LRPPRC: variants seen among roughly 807,000 people sequenced by gnomAD.
LRPPRC encodes leucine rich pentatricopeptide repeat containing.
LRPPRC carries 120 observed loss-of-function variants against 180.3 expected under a neutral mutation model. The observed-to-expected ratio is 0.67, with a 90% CI of 0.57 to 0.77. The LOEUF is 0.77. LRPPRC is among the 30% of genes least tolerant of loss of function. The pLI, the probability that LRPPRC is intolerant of heterozygous loss-of-function variation, is 0.00. For missense variants in LRPPRC, 2,012 were observed against 1,657.2 expected, an observed-to-expected ratio of 1.21 and a Z score of -3.72; for synonymous variants, 723 against 600.0, an observed-to-expected ratio of 1.21 and a Z score of -3.00.
intron 11 of LRPPRC, 76 bp from the exon 12 acceptor site, chr2:43,963,782 A>C (rs372068164): frequency 9.4e-6 from 8 of 849,672 alleles, no homozygotes; most frequent in Non-Finnish European, 1.4e-5. Context: ...GTTCAGTTCA[A>C]TTATTTTCTG....
At chr2:43,940,053 C>G (rs1489067647) in intron 23 of LRPPRC, among the ~76,000 whole-genome samples, 1 of 152,192 alleles carries the variant, frequency 6.6e-6, no homozygotes, top group Non-Finnish European at 1.5e-5. Flanking sequence ...TACCAATCAT[C>G]CTTCAAAAAG....
chr2:43,981,855 TTA>T (rs759199633), intron 2 of LRPPRC, among the ~76,000 whole-genome samples: 47 of 152,250 alleles, frequency 3.1e-4, no homozygotes, highest in Non-Finnish European at 3.5e-4. Flanking sequence ...ATTGCAGCCA[TTA>T]TGTTTAATGG....
chr2:43,929,243 T>C (rs1351427229), intron 25 of LRPPRC, among the ~76,000 whole-genome samples: 2 of 152,198 alleles, frequency 1.3e-5, no homozygotes, highest in Non-Finnish European at 2.9e-5. Context: ...TCACTAGTGA[T>C]ACTGTGTATG....
chr2:43,943,759 G>T lies in LRPPRC; in HGVS notation c.2432C>A (p.Ala811Asp), dbSNP rs752868765. ...EIETVKQLHE[A>D]IVTLGLAEPS... ...TTCTGCTAACCCTAGAGTCACGATG[G>T]CTTCATGCAACTGTTTTACTGTTTC... The change falls in exon 23 of 38, where the codon GCC (alanine) becomes GAC (aspartate). Residue 811 changes from alanine (A) to aspartate (D), a missense_variant. Coordinates refer to ENST00000260665, the MANE Select transcript of LRPPRC (RefSeq NM_133259.4). 6.2e-7 allele frequency: 1 copy of T among 1,613,500 alleles called. No individual in the cohort carries two copies.
At position 43,924,977 on chromosome 2, in the gene LRPPRC, C is replaced by A. The variant is rs568415865; in HGVS notation, c.2896+90G>T. On this transcript the variant is annotated intron_variant, in intron 27 of 37. Transcript: ENST00000260665. ...TGAATGAAAACTGCCTTCTGACAAT[C>A]CCTGGAGCTCCCTCAAAACCAAATA... 1.2e-4 allele frequency: 98 copies of A among 802,668 alleles called. No individual in the cohort carries two copies. In the African/African-American group the frequency reaches 1.5e-3, roughly 12 times the overall value. 49.7% of individuals were successfully genotyped at this position (802,668 alleles called of 1,614,324 possible). A position where few individuals can be genotyped will look rare whatever the true frequency, so the allele number is the denominator to read the frequency against.
chr2:43,948,380 C>T (rs755863857), intron 17 of LRPPRC, 32 bp downstream of exon 17: 1 of 1,281,936 alleles, frequency 7.8e-7, no homozygotes, highest in Non-Finnish European at 1.1e-6. Flanking sequence ...TCAGGCAGGA[C>T]AGGCATTATA....
At chr2:43,960,419 C>T (rs1673296513) in intron 13 of LRPPRC, 122 bp downstream of exon 13, 1 of 709,926 alleles carries the variant, frequency 1.4e-6, no homozygotes, top group African/African-American at 1.7e-5. Context: ...ACCGTTTTAT[C>T]AGTCTGGCTT....
At chr2:43,926,669 A>AC (rs1186974214) in intron 25 of LRPPRC, among the ~76,000 whole-genome samples, 1 of 152,188 alleles carries the variant, frequency 6.6e-6, no homozygotes, top group Non-Finnish European at 1.5e-5. Context: ...ACCTGACTGC[A>AC]CGTGCTCTTT....
At chr2:43,939,877 G>A (rs1422814874) in intron 23 of LRPPRC, among the ~76,000 whole-genome samples, 1 of 152,186 alleles carries the variant, frequency 6.6e-6, no homozygotes. Flanking sequence ...TAAACTGGAA[G>A]TCGGTGTTAA....
At chr2:43,892,051 T>C (rs1670510375) in intron 36 of LRPPRC, among the ~76,000 whole-genome samples, 1 of 152,136 alleles carries the variant, frequency 6.6e-6, no homozygotes, top group African/African-American at 2.4e-5. Context: ...GCCCTAATAC[T>C]AGCAGAGGCT....
intron 2 of LRPPRC, among the ~76,000 whole-genome samples, chr2:43,980,844 G>C (rs2103739574): frequency 6.6e-6 from 1 of 152,326 alleles, no homozygotes; most frequent in South Asian, 2.1e-4. Flanking sequence ...ACGGCTGGAA[G>C]GGATGAGGAG....
At chr2:43,978,244 A>ATC (rs565998994) in intron 3 of LRPPRC, among the ~76,000 whole-genome samples, 56 of 152,272 alleles carry the variant, frequency 3.7e-4, no homozygotes, top group African/African-American at 1.3e-3. Context: ...ATCTTTATAA[A>ATC]TCTGTAAACA....
At chr2:43,898,071 T>TAAAAAAA (rs61550367) in intron 34 of LRPPRC, among the ~76,000 whole-genome samples, 6 of 115,940 alleles carry the variant, frequency 5.2e-5, no homozygotes, top group African/African-American at 6.3e-5. Context: ...TCCTTAAAAT[T>TAAAAAAA]AAAAAAAAAA....
intron 36 of LRPPRC, chr2:43,890,424 A>C (rs74919473): frequency 0.092 from 42,092 of 455,886 alleles, 2,601 homozygotes; most frequent in South Asian, 0.16. Flanking sequence ...ACACACAAAA[A>C]ACCTATAGGC....
Position 43,899,739 on chromosome 2 carries a change from C to G in LRPPRC, c.3570-134G>C, listed in dbSNP as rs1203872490. On this transcript the variant is annotated intron_variant, in intron 32 of 37. Coordinates refer to ENST00000260665, the MANE Select transcript of LRPPRC (RefSeq NM_133259.4). The stretch of plus-strand genomic sequence containing the variant: ...AAAAATGAAATACATTTACACTTAA[C>G]CAAATAAACACTAGGCAACTGAAAC... The G allele has an allele frequency of 7.7e-6, 5 of 649,426 alleles. No homozygotes were observed. In the East Asian group the frequency reaches 8.2e-5, roughly 11 times the overall value. The allele number at this position is 649,426 out of a possible 1,614,324, so 40.2% of individuals were successfully genotyped here.
chr2:43,928,561 A>ATG (rs910405046), intron 25 of LRPPRC, among the ~76,000 whole-genome samples: 3 of 152,132 alleles, frequency 2.0e-5, no homozygotes, highest in Admixed American at 6.6e-5. Context: ...AGGAAAAATC[A>ATG]TGTGCACAAG....
rs1271183260 is a variant in LRPPRC at position 43,949,624 on chromosome 2, G to T, written c.1713C>A (p.Cys571Ter). ...TACCCGTCGGTCCTCGAGGCTCCTGGCAATAACGTCCATCCTTGTACAACA... is the reference window on the plus strand; with the variant it reads ...TACCCGTCGGTCCTCGAGGCTCCTGTCAATAACGTCCATCCTTGTACAACA... Reference protein sequence around the residue: ...TELLYKDGRYCQEPRGPTEAV... With the variant: ...TELLYKDGRY The change falls in exon 16 of 38, where the codon TGC (cysteine) becomes TGA (stop). Residue 571 changes from cysteine to a stop codon, truncating the protein, a stop_gained. Coordinates refer to ENST00000260665, the MANE Select transcript of LRPPRC (RefSeq NM_133259.4). LOFTEE classifies it high-confidence loss of function. The T allele has an allele frequency of 6.2e-7, 1 of 1,613,894 alleles. No homozygotes were observed.
chr2:43,896,593 C>CGTA, intron 35 of LRPPRC, 41 bp downstream of exon 35: 1 of 1,206,718 alleles, frequency 8.3e-7, no homozygotes, highest in South Asian at 1.2e-5. Context: ...GAGCAAGGCA[C>CGTA]GTACAGTATC....
intron 27 of LRPPRC, among the ~76,000 whole-genome samples, chr2:43,920,285 G>A (rs534763654): frequency 5.9e-5 from 9 of 152,064 alleles, no homozygotes; most frequent in South Asian, 4.2e-4. Flanking sequence ...ACAGGTGCGC[G>A]CCAGCACACC....
Sources: gnomAD v4.1 joint callset for allele counts (sites outside exome capture counted in the v4.1 genomes callset) on GRCh38, gnomAD v4.1.1 for gene constraint, MANE v1.5 for transcripts, NCBI Gene and HGNC (gene_info 2026-07-23, HGNC 2026-07-21) for gene names.